Variants in ARHGAP42 observed in about 807,000 individuals in gnomAD.
The protein encoded by ARHGAP42 is Rho GTPase activating protein 42.
A neutral mutation model predicts 125.0 loss-of-function variants in ARHGAP42; 63 were observed. The ratio of observed to expected loss-of-function variants is 0.50; its 90% CI spans 0.41 to 0.62. The LOEUF is 0.62. Among genes scored for constraint, ARHGAP42 ranks in the 20% least tolerant of loss-of-function variants. ARHGAP42 has a pLI of 0.00. For synonymous variants in ARHGAP42, 339 were observed against 351.0 expected (o/e 0.97, Z 0.38); for missense variants, 766 against 1,024.2 (o/e 0.75, Z 3.44).
At chr11:100,944,003 T>C in intron 10 of ARHGAP42, 135 bp downstream of exon 10, 1 of 591,802 alleles carries the variant, frequency 1.7e-6, no homozygotes, top group Non-Finnish European at 2.9e-6. Context: ...TATCTCTTTC[T>C]TTCATGTTGT....
chr11:100,862,041 A>G (rs618663), intron 4 of ARHGAP42, among the ~76,000 whole-genome samples: 44,291 of 152,118 alleles, frequency 0.29, 6,558 homozygotes, highest in Non-Finnish European at 0.32. Flanking sequence ...TGACAAGAAC[A>G]TGGTATCCTA....
chr11:100,720,244 C>G (rs1271250265), intron 1 of ARHGAP42, among the ~76,000 whole-genome samples: 1 of 152,000 alleles, frequency 6.6e-6, no homozygotes, highest in Admixed American at 6.6e-5. Context: ...TACTGATTGC[C>G]CAGAAACTGG....
chr11:100,945,567 A>G (rs1021286379), intron 10 of ARHGAP42, among the ~76,000 whole-genome samples: 15 of 152,236 alleles, frequency 9.9e-5, no homozygotes, highest in Admixed American at 1.3e-4. Context: ...CATGTGCTAC[A>G]TAATATATGT....
rs1858010075 is a variant in ARHGAP42 at position 100,963,450 on chromosome 11, A to G, written c.1444+983A>G. Among the ~76,000 whole-genome samples, 3 of 152,322 alleles carry G rather than the reference A, an allele frequency of 2.0e-5. No individual in the cohort carries two copies. In the East Asian group the frequency reaches 5.8e-4, roughly 29 times the overall value. On this transcript the variant is annotated intron_variant, in intron 16 of 23. Coordinates refer to ENST00000298815, the MANE Select transcript of ARHGAP42 (RefSeq NM_152432.4). ...AGCTGGCATTTCATTGTTAAGATGT[A>G]TGAGGTGTGACTACAACCAGATTAT...
intron 2 of ARHGAP42, 24 bp from the exon 3 acceptor site, chr11:100,795,081 G>A (rs1469101006): frequency 6.6e-7 from 1 of 1,509,358 alleles, no homozygotes; most frequent in South Asian, 1.3e-5. Context: ...TTAATTCTTT[G>A]CATTTTTTTA....
At chr11:100,704,856 A>G (rs1483979814) in intron 1 of ARHGAP42, among the ~76,000 whole-genome samples, 2 of 17,274 alleles carry the variant, frequency 1.2e-4, no homozygotes, top group African/African-American at 2.6e-4. Context: ...ATGCACCTAT[A>G]GTCCTAGCTA....
intron 5 of ARHGAP42, among the ~76,000 whole-genome samples, chr11:100,914,153 T>C (rs1867003333): frequency 6.6e-6 from 1 of 152,158 alleles, no homozygotes; most frequent in South Asian, 2.1e-4. Flanking sequence ...CAGGCTGGTC[T>C]TGAACTCTTC....
chr11:100,954,488 T>C (rs1397311510), intron 12 of ARHGAP42, among the ~76,000 whole-genome samples: 1 of 152,134 alleles, frequency 6.6e-6, no homozygotes, highest in Non-Finnish European at 1.5e-5. Context: ...TTAAGTGGCT[T>C]TCCTCAAGTG....
At chr11:100,901,694 C>G (rs943534074) in intron 4 of ARHGAP42, among the ~76,000 whole-genome samples, 2 of 152,240 alleles carry the variant, frequency 1.3e-5, no homozygotes, top group African/African-American at 4.8e-5. Flanking sequence ...GTGAGCAAGG[C>G]TCCGTGGGCA....
chr11:100,974,994 G>T (rs1162148729), intron 19 of ARHGAP42, among the ~76,000 whole-genome samples: 1 of 152,082 alleles, frequency 6.6e-6, no homozygotes, highest in African/African-American at 2.4e-5. Context: ...TTGGGTATCA[G>T]TGTCTGAAAG....
chr11:100,779,485 T>TATATAC (rs1312550660), intron 2 of ARHGAP42, among the ~76,000 whole-genome samples: 24 of 81,432 alleles, frequency 2.9e-4, no homozygotes, highest in African/African-American at 8.6e-4. Flanking sequence ...TATATATATA[T>TATATAC]ACACACACAC....
Position 100,992,758 on chromosome 11 carries a change from C to CCCT in ARHGAP42, c.*3959_*3961dup. ...ATTTTTTATTTTTTGAGGGCAGCTGCCCTCACTGTTTTAAATAAAGAATCT... is the reference window on the plus strand; with the variant it reads ...ATTTTTTATTTTTTGAGGGCAGCTGCCCTCCTCACTGTTTTAAATAAAGAATCT... On this transcript the variant is annotated 3_prime_UTR_variant, in exon 24 of 24. Coordinates refer to ENST00000298815, the MANE Select transcript of ARHGAP42 (RefSeq NM_152432.4). 3 of 1,497,902 alleles carry CCCT rather than the reference C, an allele frequency of 2.0e-6. No individual in the cohort carries two copies. Among genetic ancestry groups the CCCT allele is most frequent in the Non-Finnish European group, 2.7e-6 (3 of 1,116,804 alleles). 92.8% of individuals were successfully genotyped at this position (1,497,902 alleles called of 1,614,324 possible).
chr11:100,763,755 G>A (rs1591161408), intron 1 of ARHGAP42, among the ~76,000 whole-genome samples: 1 of 152,198 alleles, frequency 6.6e-6, no homozygotes, highest in Admixed American at 6.5e-5. Context: ...CTCCCAAAGT[G>A]CTGGGATTAC....
chr11:100,852,255 T>C (rs1865220620), intron 3 of ARHGAP42, among the ~76,000 whole-genome samples: 1 of 152,202 alleles, frequency 6.6e-6, no homozygotes, highest in Non-Finnish European at 1.5e-5. Flanking sequence ...AGCAATCTGC[T>C]ATTATCTAAA....
chr11:100,905,846 C>T (rs547615344), intron 4 of ARHGAP42, among the ~76,000 whole-genome samples: 5 of 152,220 alleles, frequency 3.3e-5, no homozygotes, highest in African/African-American at 1.2e-4. Context: ...GGAATGGTGG[C>T]GCATGACTGT....
chr11:100,786,161 G>A (rs1017065481), intron 2 of ARHGAP42, among the ~76,000 whole-genome samples: 1 of 152,130 alleles, frequency 6.6e-6, no homozygotes, highest in Admixed American at 6.5e-5. Flanking sequence ...CTGAATTGGG[G>A]GTGGTTTTGA....
chr11:100,973,390 A>T, intron 18 of ARHGAP42, 56 bp downstream of exon 18: 1 of 1,514,152 alleles, frequency 6.6e-7, no homozygotes, highest in Non-Finnish European at 8.9e-7. Context: ...TTTATAAAGG[A>T]ATTTTGCATT....
At chr11:100,953,371 T>G (rs138831701) in intron 12 of ARHGAP42, among the ~76,000 whole-genome samples, 10 of 152,318 alleles carry the variant, frequency 6.6e-5, no homozygotes, top group Non-Finnish European at 1.2e-4. Flanking sequence ...TTTGAACTGC[T>G]GAAGACAATG....
intron 4 of ARHGAP42, among the ~76,000 whole-genome samples, chr11:100,866,449 A>G (rs531895229): frequency 2.8e-3 from 423 of 152,322 alleles, no homozygotes; most frequent in Non-Finnish European, 4.2e-3. Flanking sequence ...GTCTATGACA[A>G]TGATAGCCTT....
Sources: allele counts gnomAD v4.1 joint callset (sites outside exome capture counted in the v4.1 genomes callset), GRCh38; gene constraint gnomAD v4.1.1; transcripts MANE v1.5; gene names NCBI Gene and HGNC (gene_info 2026-07-23, HGNC 2026-07-21).